ZRANB3: variants seen among roughly 807,000 people sequenced by gnomAD.
The protein encoded by ZRANB3 is zinc finger RANBP2-type containing 3.
ZRANB3 carries 125 observed loss-of-function variants against 133.8 expected under a neutral mutation model. That is an observed-to-expected ratio of 0.93 (90% confidence interval 0.81 to 1.08). The LOEUF is 1.08. ZRANB3 is among the 50% of genes least tolerant of loss of function. The pLI, the probability that ZRANB3 is intolerant of heterozygous loss-of-function variation, is 0.00. For missense variants in ZRANB3, 1,229 were observed against 1,275.5 expected, an observed-to-expected ratio of 0.96 and a Z score of 0.56; for synonymous variants, 387 against 432.7, an observed-to-expected ratio of 0.89 and a Z score of 1.31.
chr2:135,323,671 T>C (rs1279039693), intron 6 of ZRANB3, among the ~76,000 whole-genome samples: 3 of 152,054 alleles, frequency 2.0e-5, no homozygotes, highest in Non-Finnish European at 4.4e-5. Flanking sequence ...TAAATAAAAT[T>C]GATTCAAAAA....
At chr2:135,402,646 G>A (rs1687790349) in intron 2 of ZRANB3, among the ~76,000 whole-genome samples, 1 of 151,528 alleles carries the variant, frequency 6.6e-6, no homozygotes, top group South Asian at 2.1e-4. Context: ...GAGTGCAATG[G>A]TGCGATCTTA....
intron 6 of ZRANB3, among the ~76,000 whole-genome samples, chr2:135,339,406 A>T (rs1017145321): frequency 8.6e-5 from 13 of 152,008 alleles, no homozygotes; most frequent in African/African-American, 3.1e-4. Context: ...TCCATCTGAA[A>T]AAAAAAACAA....
At chr2:135,223,769 G>A (rs1235757152) in intron 15 of ZRANB3, among the ~76,000 whole-genome samples, 1 of 152,112 alleles carries the variant, frequency 6.6e-6, no homozygotes, top group Non-Finnish European at 1.5e-5. Flanking sequence ...AAAAGTTTGG[G>A]CACTACTAAG....
At position 135,275,711 on chromosome 2, in the gene ZRANB3, A is replaced by T; in HGVS notation, c.1011T>A (p.Asp337Glu). The T allele has an allele frequency of 1.2e-6, 2 of 1,605,750 alleles. No homozygotes were observed. The highest frequency in any genetic ancestry group is 1.7e-6 in the Non-Finnish European group (2 of 1,175,306). ...KDYIKMMLQNDSLKFLVFAHH... is the reference protein window; with the variant it reads ...KDYIKMMLQNESLKFLVFAHH... ...GAGCAAAAACCAGAAATTTAAGCGA[A>T]TCATTCTGAAGCATCATCTTAATAT... The change falls in exon 9 of 21, where the codon GAT (aspartate) becomes GAA (glutamate). Residue 337 changes from aspartate to glutamate, a missense_variant. Physicochemically the swap from Asp to Glu is conservative, Grantham distance 45. Transcript: ENST00000264159.
At chr2:135,299,828 A>G (rs958367966) in intron 8 of ZRANB3, among the ~76,000 whole-genome samples, 9 of 152,244 alleles carry the variant, frequency 5.9e-5, no homozygotes, top group Admixed American at 4.6e-4. Flanking sequence ...ATTAAAATTT[A>G]TTAACAATAT....
intron 3 of ZRANB3, among the ~76,000 whole-genome samples, chr2:135,377,120 A>G (rs1305286145): frequency 6.6e-6 from 1 of 152,222 alleles, no homozygotes; most frequent in East Asian, 1.9e-4. Context: ...CAATTAAGTA[A>G]ACAGATGGCA....
intron 17 of ZRANB3, among the ~76,000 whole-genome samples, chr2:135,215,987 C>T (rs1694291313): frequency 6.6e-6 from 1 of 152,052 alleles, no homozygotes; most frequent in Admixed American, 6.6e-5. Context: ...AACCACTGTC[C>T]AAGAGAAACC....
At chr2:135,494,321 A>AG (rs1692567315) in intron 2 of ZRANB3, among the ~76,000 whole-genome samples, 1 of 151,428 alleles carries the variant, frequency 6.6e-6, no homozygotes, top group Non-Finnish European at 1.5e-5. Context: ...AAAAAAAAAA[A>AG]AAGAAAAGAA....
chr2:135,315,213 A>G, intron 7 of ZRANB3, 146 bp downstream of exon 7: 1 of 731,750 alleles, frequency 1.4e-6, no homozygotes, highest in Non-Finnish European at 1.9e-6. Context: ...TTGCTGAAAT[A>G]CAAAACCAAT....
chr2:135,349,915 G>T (rs1685120724), intron 5 of ZRANB3, 69 bp downstream of exon 5: 3 of 1,378,640 alleles, frequency 2.2e-6, no homozygotes, highest in Admixed American at 1.9e-5. Flanking sequence ...TGCAAAACAG[G>T]TGGTTGATTC....
Position 135,498,763 on chromosome 2 carries a change from A to C in ZRANB3, c.161+5566T>G, listed in dbSNP as rs112176861. Among the ~76,000 whole-genome samples the C allele has an allele frequency of 5.6e-4, 86 of 152,254 alleles. 1 individual carries two copies. Among genetic ancestry groups the C allele is most frequent in the African/African-American group, 1.9e-3 (79 of 41,554 alleles). On this transcript the variant is annotated intron_variant, in intron 2 of 20. Coordinates refer to ENST00000264159, the MANE Select transcript of ZRANB3 (RefSeq NM_032143.4). ...GGTCTCTAAAATGGCCGCTTTGGGA[A>C]CATCTATCTTTTTACGGTTGTAGAT...
chr2:135,404,979 T>C (rs1391086362), intron 2 of ZRANB3, among the ~76,000 whole-genome samples: 1 of 152,170 alleles, frequency 6.6e-6, no homozygotes, highest in African/African-American at 2.4e-5. Flanking sequence ...ATATTAACCT[T>C]ACATGTAAAT....
At position 135,511,759 on chromosome 2, in the gene ZRANB3, T is replaced by C. The variant is rs573837367; in HGVS notation, c.-7-7263A>G. ...GAAGTTTCGTGACATCACTTTCCTG[T>C]GGATTTCTTTCTGTCCATAAACTGC... On this transcript the variant is annotated intron_variant, in intron 1 of 20. Coordinates refer to ENST00000264159, the MANE Select transcript of ZRANB3 (RefSeq NM_032143.4). The C allele has an allele frequency of 9.0e-5, 69 of 763,922 alleles. No homozygotes were observed. In the East Asian group the frequency reaches 1.6e-3, roughly 18 times the overall value. 47.3% of individuals were successfully genotyped at this position (763,922 alleles called of 1,614,324 possible). A position where few individuals can be genotyped will look rare whatever the true frequency, so the allele number is the denominator to read the frequency against.
At chr2:135,226,851 G>C (rs561506119) in intron 14 of ZRANB3, among the ~76,000 whole-genome samples, 1 of 112,142 alleles carries the variant, frequency 8.9e-6, no homozygotes, top group East Asian at 2.7e-4. Flanking sequence ...ACCCACCTGA[G>C]TCTACACTGT....
intron 8 of ZRANB3, among the ~76,000 whole-genome samples, chr2:135,295,458 A>T (rs1682013004): frequency 6.6e-6 from 1 of 151,748 alleles, no homozygotes; most frequent in South Asian, 2.1e-4. Context: ...TTTTATTTTG[A>T]GCCTGTGTGT....
intron 8 of ZRANB3, among the ~76,000 whole-genome samples, chr2:135,286,980 C>T (rs562405726): frequency 5.3e-5 from 8 of 152,148 alleles, no homozygotes; most frequent in Admixed American, 2.6e-4. Flanking sequence ...GGTTCTTGGT[C>T]ATGAACTCTT....
At chr2:135,462,573 T>C (rs903595047) in intron 2 of ZRANB3, among the ~76,000 whole-genome samples, 2 of 150,566 alleles carry the variant, frequency 1.3e-5, no homozygotes, top group Non-Finnish European at 3.0e-5. Flanking sequence ...CTTCCTTCCT[T>C]CCTCCCTCCC....
At chr2:135,272,905 C>T (rs1262324796) in intron 9 of ZRANB3, among the ~76,000 whole-genome samples, 1 of 151,764 alleles carries the variant, frequency 6.6e-6, no homozygotes, top group Non-Finnish European at 1.5e-5. Context: ...TATTATTGGC[C>T]GGGCGCGGTG....
At chr2:135,500,454 T>G (rs1346084656) in intron 2 of ZRANB3, among the ~76,000 whole-genome samples, 1 of 152,102 alleles carries the variant, frequency 6.6e-6, no homozygotes, top group African/African-American at 2.4e-5. Context: ...ATGAACGAAC[T>G]ACAACCGCAT....
Sources: allele counts gnomAD v4.1 joint callset (sites outside exome capture counted in the v4.1 genomes callset), GRCh38; gene constraint gnomAD v4.1.1; transcripts MANE v1.5; gene names NCBI Gene and HGNC (gene_info 2026-07-23, HGNC 2026-07-21).